MTPAP: variants seen among roughly 807,000 people sequenced by gnomAD.
MTPAP encodes the protein poly(A) RNA polymerase, mitochondrial.
A neutral mutation model predicts 48.7 loss-of-function variants in MTPAP; 23 were observed. The observed-to-expected ratio is 0.47, with a 90% CI of 0.34 to 0.67. MTPAP has a LOEUF of 0.67. Ranked by LOEUF, MTPAP falls within the 30% of genes least tolerant of loss-of-function variation. MTPAP has a pLI of 0.01. For missense variants in MTPAP, 614 were observed against 694.3 expected (o/e 0.88, Z 1.30); for synonymous variants, 257 against 254.1 (o/e 1.01, Z -0.11).
intron 4 of MTPAP, among the ~76,000 whole-genome samples, chr10:30,334,265 G>A (rs1460135564): frequency 1.3e-5 from 2 of 152,140 alleles, no homozygotes; most frequent in South Asian, 2.1e-4. Context: ...GGAATGAGTC[G>A]AGGAATGGAG....
intron 1 of MTPAP, among the ~76,000 whole-genome samples, chr10:30,346,341 G>C (rs1834873137): frequency 6.6e-6 from 1 of 151,988 alleles, no homozygotes; most frequent in Non-Finnish European, 1.5e-5. Flanking sequence ...TTCTACTCTG[G>C]ACATAATAGA....
intron 1 of MTPAP, among the ~76,000 whole-genome samples, chr10:30,342,827 G>A (rs551774199): frequency 6.6e-6 from 1 of 152,132 alleles, no homozygotes; most frequent in South Asian, 2.1e-4. Flanking sequence ...CCTCGTTACT[G>A]CCCATGAAGA....
intron 4 of MTPAP, among the ~76,000 whole-genome samples, chr10:30,336,157 T>C (rs893736809): frequency 3.3e-5 from 5 of 152,202 alleles, no homozygotes; most frequent in Non-Finnish European, 5.9e-5. Flanking sequence ...AGTAAAAGCA[T>C]ACTGCTATTT....
At chr10:30,337,153 A>C in intron 3 of MTPAP, 126 bp from the exon 4 acceptor site, 1 of 851,934 alleles carries the variant, frequency 1.2e-6, no homozygotes, top group Non-Finnish European at 1.9e-6. Context: ...AGCCTGGCGC[A>C]GTGGCTCACG....
Position 30,320,396 on chromosome 10 carries a change from A to G in MTPAP, c.1219+1995T>C, listed in dbSNP as rs192968403. ...AAAAATTAGCCAGGTATGGTGGTGC[A>G]TGCCTATAGTCCCAGCTATTCAGGA... is the stretch of plus-strand genomic sequence containing the variant. On this transcript the variant is annotated intron_variant, in intron 6 of 8. Coordinates refer to ENST00000263063, the MANE Select transcript of MTPAP (RefSeq NM_018109.4). 2.6e-3 allele frequency among the ~76,000 whole-genome samples: 402 copies of G among 152,246 alleles called. 2 individuals carry two copies. Among genetic ancestry groups the G allele is most frequent in the Middle Eastern group, 6.8e-3 (2 of 294 alleles).
At chr10:30,344,734 T>A (rs1834851814) in intron 1 of MTPAP, among the ~76,000 whole-genome samples, 1 of 152,226 alleles carries the variant, frequency 6.6e-6, no homozygotes, top group Non-Finnish European at 1.5e-5. Context: ...AGACAGAGTC[T>A]CACTCTATTG....
rs971077573 is a variant in MTPAP, at chr10:30,329,192, G to A, written c.781-2557C>T. Among the ~76,000 whole-genome samples, 7 of 151,914 alleles carry A rather than the reference G, an allele frequency of 4.6e-5. No homozygotes were observed. The East Asian group carries it at 1.4e-3, about 30-fold the overall frequency. On this transcript the variant is annotated intron_variant, in intron 4 of 8. Coordinates refer to ENST00000263063, the MANE Select transcript of MTPAP (RefSeq NM_018109.4). ...GAACCCAGGAGGCCAAGGTTGCAGT[G>A]AGCCGAGATTGTGCCCCTGCACTCC...
chr10:30,343,176 C>T (rs951541843), intron 1 of MTPAP, among the ~76,000 whole-genome samples: 2 of 152,036 alleles, frequency 1.3e-5, no homozygotes, highest in African/African-American at 2.4e-5. Flanking sequence ...AGGCCAGACG[C>T]GGTGGCTCAC....
chr10:30,326,061 ATCTT>A (rs1239595413), intron 5 of MTPAP, among the ~76,000 whole-genome samples: 4 of 152,108 alleles, frequency 2.6e-5, no homozygotes, highest in Non-Finnish European at 5.9e-5. Flanking sequence ...ATAAATAGGC[ATCTT>A]TCTTTCTTAT....
At chr10:30,340,985 A>C (rs1166730541) in intron 2 of MTPAP, among the ~76,000 whole-genome samples, 1 of 152,100 alleles carries the variant, frequency 6.6e-6, no homozygotes, top group Non-Finnish European at 1.5e-5. Flanking sequence ...GAAAAGAATG[A>C]TGAAGCAGAA....
At position 30,325,587 on chromosome 10, in the gene MTPAP, AAAAAC is replaced by A. The variant is rs1364983020; in HGVS notation, c.992+832_992+836del. The stretch of plus-strand genomic sequence containing the variant: ...CAGGGTGAAACCCCGTCTCCACTAA[AAAAAC>A]AAAAATTAGCCAGCGTGATGGCATG... On this transcript the variant is annotated intron_variant, in intron 5 of 8. Coordinates refer to ENST00000263063, the MANE Select transcript of MTPAP (RefSeq NM_018109.4). Among the ~76,000 whole-genome samples, 16 of 152,204 alleles carry A rather than the reference AAAAAC, an allele frequency of 1.1e-4. No individual in the cohort carries two copies. The East Asian group carries it at 1.2e-3, about 11-fold the overall frequency.
chr10:30,319,058 G>A (rs1186747073), intron 6 of MTPAP, among the ~76,000 whole-genome samples: 1 of 147,968 alleles, frequency 6.8e-6, no homozygotes, highest in African/African-American at 2.7e-5. Flanking sequence ...AAAAAAAGCG[G>A]GGTGGCTGGG....
At chr10:30,333,826 C>T (rs1368565635) in intron 4 of MTPAP, among the ~76,000 whole-genome samples, 2 of 152,042 alleles carry the variant, frequency 1.3e-5, no homozygotes, top group Non-Finnish European at 2.9e-5. Context: ...TGCTTGAGCC[C>T]AGGAGGCAGA....
In MTPAP at chr10:30,309,815, AACTTT is replaced by A. The variant is rs980506502; in HGVS notation, c.*3789_*3793del. ...GCAGAAAAAAGTCTTATTTCAACTC[AACTTT>A]ATTTTCCCTTCTCCTTTATGGTAAC... is the stretch of plus-strand genomic sequence containing the variant. On this transcript the variant is annotated 3_prime_UTR_variant, in exon 9 of 9. Transcript: ENST00000263063. The A allele has an allele frequency of 6.6e-5, 10 of 152,216 alleles. No homozygotes were observed. Among genetic ancestry groups the A allele is most frequent in the Non-Finnish European group, 1.3e-4 (9 of 68,044 alleles). 9.4% of individuals were successfully genotyped at this position (152,216 alleles called of 1,614,324 possible). A position where few individuals can be genotyped will look rare whatever the true frequency, so the allele number is the denominator to read the frequency against.
intron 5 of MTPAP, among the ~76,000 whole-genome samples, chr10:30,323,762 G>A (rs529221268): frequency 1.3e-5 from 2 of 152,252 alleles, no homozygotes; most frequent in East Asian, 1.9e-4. Flanking sequence ...CACTCGCCTC[G>A]GCCTCCCAAA....
chr10:30,348,607 T>G (rs1047473725), intron 1 of MTPAP, among the ~76,000 whole-genome samples: 1 of 152,262 alleles, frequency 6.6e-6, no homozygotes, highest in East Asian at 1.9e-4. Flanking sequence ...CCAGACTGAT[T>G]TGGTTCAAAA....
chr10:30,319,065 T>G (rs639738), intron 6 of MTPAP, among the ~76,000 whole-genome samples: 104,146 of 144,104 alleles, frequency 0.72, 36,414 homozygotes, highest in Admixed American at 0.79. Context: ...GCGGGGTGGC[T>G]GGGAGGGGGA....
At chr10:30,331,582 C>T (rs1325802888) in intron 4 of MTPAP, among the ~76,000 whole-genome samples, 1 of 152,094 alleles carries the variant, frequency 6.6e-6, no homozygotes, top group African/African-American at 2.4e-5. Context: ...AATAACTTTC[C>T]TTCTTTTTTA....
At chr10:30,323,910 G>A (rs1732841362) in intron 5 of MTPAP, among the ~76,000 whole-genome samples, 1 of 152,230 alleles carries the variant, frequency 6.6e-6, no homozygotes. Context: ...GCTGGGTACA[G>A]TAGCTCACAC....
Sources: allele counts gnomAD v4.1 joint callset (sites outside exome capture counted in the v4.1 genomes callset), GRCh38; gene constraint gnomAD v4.1.1; transcripts MANE v1.5; gene names NCBI Gene and HGNC (gene_info 2026-07-23, HGNC 2026-07-21).